Variants in SYNJ2 observed in about 807,000 individuals in gnomAD.
The protein encoded by SYNJ2 is synaptojanin 2.
Under a neutral mutation model 141.3 loss-of-function variants are expected in SYNJ2, and 116 were observed. The ratio of observed to expected loss-of-function variants is 0.82; its 90% CI spans 0.71 to 0.96. SYNJ2 has a LOEUF of 0.96. Among genes scored for constraint, SYNJ2 ranks in the 40% least tolerant of loss-of-function variants. The pLI is 0.00. For missense variants in SYNJ2, 1,873 were observed against 1,934.8 expected (o/e 0.97, Z 0.60); for synonymous variants, 745 against 777.7 (o/e 0.96, Z 0.70).
At chr6:158,072,985 A>AT (rs1782030976) in intron 15 of SYNJ2, among the ~76,000 whole-genome samples, 1 of 151,698 alleles carries the variant, frequency 6.6e-6, no homozygotes, top group Non-Finnish European at 1.5e-5. Flanking sequence ...AGACAGGAGA[A>AT]TCGCAACCCA....
intron 2 of SYNJ2, among the ~76,000 whole-genome samples, chr6:158,024,664 C>T (rs774660820): frequency 6.6e-6 from 1 of 152,188 alleles, no homozygotes; most frequent in East Asian, 1.9e-4. Flanking sequence ...TTTTTAAACA[C>T]TTGGAGTTGA....
intron 2 of SYNJ2, among the ~76,000 whole-genome samples, chr6:158,020,336 A>G (rs78073594): frequency 6.8e-6 from 1 of 146,552 alleles, no homozygotes; most frequent in Non-Finnish European, 1.5e-5. Flanking sequence ...GACTCTAACT[A>G]TGTGACTGAC....
At chr6:158,092,167 C>G (rs1783502798) in intron 25 of SYNJ2, among the ~76,000 whole-genome samples, 1 of 151,728 alleles carries the variant, frequency 6.6e-6, no homozygotes, top group Non-Finnish European at 1.5e-5. Context: ...AATCTACCTA[C>G]AGTCCCGGCT....
In SYNJ2 at chr6:158,098,282, G is replaced by A. The variant is rs892077642; in HGVS notation, c.*1918G>A. The A allele has an allele frequency of 2.6e-5, 4 of 152,086 alleles. No individual in the cohort carries two copies. The highest frequency in any genetic ancestry group is 1.9e-4 in the East Asian group (1 of 5,200). The allele number at this position is 152,086 out of a possible 1,614,324, so 9.4% of individuals were successfully genotyped here. A position where few individuals can be genotyped will look rare whatever the true frequency, so the allele number is the denominator to read the frequency against. ...GATCTCATTTTTAGGTTTTCTCTTC[G>A]TTCCAGATACCAAATAAATGGGACA... On this transcript the variant is annotated 3_prime_UTR_variant, in exon 27 of 27. Transcript: ENST00000355585.
At chr6:157,989,366 C>G (rs1777323312) in intron 1 of SYNJ2, among the ~76,000 whole-genome samples, 1 of 148,198 alleles carries the variant, frequency 6.7e-6, no homozygotes, top group Non-Finnish European at 1.5e-5. Context: ...GGCTCCACCT[C>G]CAGTGGAAGG....
At chr6:157,997,433 T>C (rs1459777677) in intron 1 of SYNJ2, among the ~76,000 whole-genome samples, 2 of 152,064 alleles carry the variant, frequency 1.3e-5, no homozygotes, top group Non-Finnish European at 2.9e-5. Context: ...GAGAATGTCA[T>C]GTGAAGGCAT....
rs1782449092 is a variant in SYNJ2 at position 158,078,259 on chromosome 6, G to A, written c.2545G>A (p.Glu849Lys). ...PGALQYYGRA[E>K]LQASDHRPVL... ...TGCCCTGCAGTATTATGGTCGTGCGGAGCTACAAGCGTCTGATCACAGGTG... is the reference window on the plus strand; with the variant it reads ...TGCCCTGCAGTATTATGGTCGTGCGAAGCTACAAGCGTCTGATCACAGGTG... Residue 849 changes from glutamate (E) to lysine (K), a missense_variant, in exon 18 of 27, where the codon GAG (glutamate) becomes AAG (lysine). Physicochemically the swap from Glu to Lys is moderately conservative, Grantham distance 56 (BLOSUM62 1). Transcript: ENST00000355585. 1 of 1,613,646 alleles carries A rather than the reference G, an allele frequency of 6.2e-7. No individual in the cohort carries two copies. The highest frequency in any genetic ancestry group is 1.1e-5 in the South Asian group (1 of 91,064).
chr6:158,006,029 C>T (rs1009741739), intron 1 of SYNJ2, among the ~76,000 whole-genome samples: 1 of 152,182 alleles, frequency 6.6e-6, no homozygotes, highest in Non-Finnish European at 1.5e-5. Context: ...CTCTTGGCTG[C>T]ATTGGTCCTG....
At position 158,086,851 on chromosome 6, in the gene SYNJ2, C is replaced by T. The variant is rs774235378; in HGVS notation, c.3209-4C>T. The T allele has an allele frequency of 6.2e-7, 1 of 1,611,630 alleles. No individual in the cohort carries two copies. The highest frequency in any genetic ancestry group is 1.1e-5 in the South Asian group (1 of 91,084). On this transcript the variant is annotated splice_region_variant and splice_polypyrimidine_tract_variant and intron_variant, in intron 22 of 26. Coordinates refer to ENST00000355585, the MANE Select transcript of SYNJ2 (RefSeq NM_003898.4). ...TTGTACTCATGCCCCGCCATGTCCT[C>T]CAGATGACGCGGACCTGGTGGAGCT...
intron 7 of SYNJ2, chr6:158,059,623 C>T (rs1188859596): frequency 1.9e-6 from 2 of 1,066,126 alleles, no homozygotes; most frequent in Non-Finnish European, 2.3e-6. Flanking sequence ...GGTGCAATCT[C>T]AGCTCACTGC....
chr6:158,092,016 G>A (rs1783491402), intron 25 of SYNJ2, among the ~76,000 whole-genome samples: 1 of 151,606 alleles, frequency 6.6e-6, no homozygotes, highest in African/African-American at 2.4e-5. Context: ...TCGTATGATG[G>A]TTGCACAACT....
chr6:158,054,442 A>G (rs1780756245), intron 5 of SYNJ2, among the ~76,000 whole-genome samples: 1 of 152,274 alleles, frequency 6.6e-6, no homozygotes, highest in African/African-American at 2.4e-5. Flanking sequence ...AGCCCCTTTA[A>G]GCTGACTCCA....
At chr6:158,093,194 G>C in intron 26 of SYNJ2, 90 bp downstream of exon 26, 1 of 1,387,166 alleles carries the variant, frequency 7.2e-7, no homozygotes, top group Non-Finnish European at 9.8e-7. Flanking sequence ...CCAGCACATT[G>C]GGAAGCCGAG....
intron 17 of SYNJ2, among the ~76,000 whole-genome samples, chr6:158,077,174 A>T (rs190619416): frequency 1.3e-5 from 2 of 152,092 alleles, no homozygotes; most frequent in East Asian, 1.9e-4. Flanking sequence ...TTGTATTTTT[A>T]GTAGAGACGG....
chr6:158,082,105 G>A (rs1034629905), intron 20 of SYNJ2, among the ~76,000 whole-genome samples: 1 of 152,182 alleles, frequency 6.6e-6, no homozygotes, highest in African/African-American at 2.4e-5. Context: ...CCAGCACTTT[G>A]TCAGGCCAAG....
chr6:158,077,340 C>T (rs1782367022), intron 17 of SYNJ2, among the ~76,000 whole-genome samples: 1 of 152,146 alleles, frequency 6.6e-6, no homozygotes, highest in African/African-American at 2.4e-5. Flanking sequence ...TAGGTCTGCT[C>T]CTGGCTGCCC....
chr6:158,031,964 A>C (rs922459016), intron 3 of SYNJ2, among the ~76,000 whole-genome samples: 10 of 152,224 alleles, frequency 6.6e-5, no homozygotes, highest in African/African-American at 2.4e-4. Context: ...TTGATGCCAC[A>C]TGCAGATTTC....
intron 1 of SYNJ2, among the ~76,000 whole-genome samples, chr6:157,987,677 C>A (rs1310272804): frequency 6.6e-6 from 1 of 152,236 alleles, no homozygotes; most frequent in African/African-American, 2.4e-5. Flanking sequence ...TCTGGGATTA[C>A]AGACATGAGC....
In SYNJ2 at chr6:157,992,401, C is replaced by CTTTTTTTTTTTTTTT. The variant is rs57905567; in HGVS notation, c.127+10321_127+10335dup. On this transcript the variant is annotated intron_variant, in intron 1 of 26. Coordinates refer to ENST00000355585, the MANE Select transcript of SYNJ2 (RefSeq NM_003898.4). The stretch of plus-strand genomic sequence containing the variant: ...TTGTCTTTCTGTGCCTGGCTTGTTT[C>CTTTTTTTTTTTTTTT]TTTTTTTTTTTTTTTTTTTTTTCCT... 6.6e-5 allele frequency among the ~76,000 whole-genome samples: 8 copies of CTTTTTTTTTTTTTTT among 120,356 alleles called. 1 individual carries two copies. Among genetic ancestry groups the CTTTTTTTTTTTTTTT allele is most frequent in the South Asian group, 2.8e-4 (1 of 3,532 alleles). 79.0% of individuals were successfully genotyped at this position (120,356 alleles called of 152,430 possible).
Sources: allele counts gnomAD v4.1 joint callset (sites outside exome capture counted in the v4.1 genomes callset), GRCh38; gene constraint gnomAD v4.1.1; transcripts MANE v1.5; gene names NCBI Gene and HGNC (gene_info 2026-07-23, HGNC 2026-07-21).